Variants in SWAP70 observed in about 807,000 individuals in gnomAD.
SWAP70 encodes switching B cell complex subunit SWAP70, also known as switch-associated protein 70.
In SWAP70, 34 loss-of-function variants were observed where a neutral mutation model predicts 80.2. The ratio of observed to expected loss-of-function variants is 0.42; its 90% CI spans 0.32 to 0.56. The LOEUF (loss-of-function observed/expected upper bound fraction) is 0.56. Among genes scored for constraint, SWAP70 ranks in the 20% least tolerant of loss-of-function variants. The probability of loss-of-function intolerance (pLI) is 0.09; values close to 1 mark genes in which losing one functional copy is unlikely to be tolerated. For synonymous variants in SWAP70, 239 were observed against 238.5 expected (o/e 1.00, Z -0.02); for missense variants, 578 against 690.7 (o/e 0.84, Z 1.83).
At chr11:9,694,312 G>T (rs967035015) in intron 2 of SWAP70, 26 bp downstream of exon 2, 1 of 1,582,860 alleles carries the variant, frequency 6.3e-7, no homozygotes, top group African/African-American at 1.4e-5. Context: ...TTTTTTGGGT[G>T]TAGCATTGTT....
At chr11:9,709,334 G>A (rs1303938686) in intron 2 of SWAP70, among the ~76,000 whole-genome samples, 1 of 152,026 alleles carries the variant, frequency 6.6e-6, no homozygotes, top group African/African-American at 2.4e-5. Flanking sequence ...TCGCTATATT[G>A]CCTATATTGG....
intron 9 of SWAP70, among the ~76,000 whole-genome samples, chr11:9,742,353 T>C (rs1851451432): frequency 6.6e-6 from 1 of 152,104 alleles, no homozygotes; most frequent in Admixed American, 6.5e-5. Flanking sequence ...CCTTTTTTTT[T>C]CTGAGATGGA....
intron 1 of SWAP70, among the ~76,000 whole-genome samples, chr11:9,682,843 A>G (rs1037629110): frequency 6.6e-6 from 1 of 152,124 alleles, no homozygotes; most frequent in Non-Finnish European, 1.5e-5. Flanking sequence ...CGCCCAGCTA[A>G]TTTTTATGTT....
At chr11:9,690,925 G>A (rs1423024709) in intron 1 of SWAP70, among the ~76,000 whole-genome samples, 1 of 151,698 alleles carries the variant, frequency 6.6e-6, no homozygotes, top group Non-Finnish European at 1.5e-5. Context: ...TAATTTTTGA[G>A]ATGGGACCCC....
chr11:9,667,097 T>C (rs1040335857), intron 1 of SWAP70, among the ~76,000 whole-genome samples: 1 of 151,986 alleles, frequency 6.6e-6, no homozygotes, highest in Non-Finnish European at 1.5e-5. Context: ...ACTCCTGAGC[T>C]CAGGCAATTT....
At chr11:9,735,294 T>G (rs567992317) in intron 7 of SWAP70, among the ~76,000 whole-genome samples, 1 of 152,358 alleles carries the variant, frequency 6.6e-6, no homozygotes, top group African/African-American at 2.4e-5. Flanking sequence ...TTTATTTCAC[T>G]TAATATATTT....
chr11:9,675,999 TA>T (rs1229991711), intron 1 of SWAP70, among the ~76,000 whole-genome samples: 1 of 152,218 alleles, frequency 6.6e-6, no homozygotes, highest in Non-Finnish European at 1.5e-5. Context: ...CCAGGAACAC[TA>T]AGTGATTGTT....
intron 2 of SWAP70, among the ~76,000 whole-genome samples, chr11:9,709,205 G>A (rs1850962540): frequency 6.6e-6 from 1 of 151,922 alleles, no homozygotes; most frequent in South Asian, 2.1e-4. Context: ...CTTCATTGCA[G>A]CCTCCACCTC....
intron 1 of SWAP70, among the ~76,000 whole-genome samples, chr11:9,687,337 A>G (rs1850645163): frequency 6.6e-6 from 1 of 152,244 alleles, no homozygotes; most frequent in Non-Finnish European, 1.5e-5. Flanking sequence ...TTAGCCATAC[A>G]ATCCAAAAGT....
At chr11:9,711,851 G>A (rs1269164167) in intron 2 of SWAP70, among the ~76,000 whole-genome samples, 1 of 152,118 alleles carries the variant, frequency 6.6e-6, no homozygotes, top group Non-Finnish European at 1.5e-5. Context: ...AGGAACCCAA[G>A]GTGGTTCCTG....
chr11:9,675,132 T>A (rs907638103), intron 1 of SWAP70, among the ~76,000 whole-genome samples: 1 of 151,760 alleles, frequency 6.6e-6, no homozygotes, highest in African/African-American at 2.4e-5. Context: ...ACAAGAAATT[T>A]AAAAAGTTAG....
chr11:9,693,101 A>C (rs1281764596), intron 1 of SWAP70, among the ~76,000 whole-genome samples: 1 of 152,220 alleles, frequency 6.6e-6, no homozygotes, highest in South Asian at 2.1e-4. Context: ...ATGCAAATGA[A>C]AGTATTTATT....
At position 9,708,162 on chromosome 11, in the gene SWAP70, G is replaced by A. The variant is rs112424063; in HGVS notation, c.241-5304G>A. On this transcript the variant is annotated intron_variant, in intron 2 of 11. Coordinates refer to ENST00000318950, the MANE Select transcript of SWAP70 (RefSeq NM_015055.4). ...AGGTCTTTTGGATATATATCCAGAC[G>A]TGGGATTGCTAGATCATATGGTAGT... 3.8e-3 allele frequency among the ~76,000 whole-genome samples: 585 copies of A among 152,276 alleles called. 1 individual carries two copies. The highest frequency in any genetic ancestry group is 6.4e-3 in the Non-Finnish European group (435 of 68,024).
At chr11:9,710,814 G>T (rs1850987733) in intron 2 of SWAP70, among the ~76,000 whole-genome samples, 1 of 151,586 alleles carries the variant, frequency 6.6e-6, no homozygotes, top group South Asian at 2.1e-4. Context: ...TGAGTAGCTG[G>T]GACCACAGGC....
intron 9 of SWAP70, among the ~76,000 whole-genome samples, chr11:9,744,126 C>G (rs944556866): frequency 5.9e-5 from 9 of 152,082 alleles, no homozygotes; most frequent in Admixed American, 5.9e-4. Flanking sequence ...CCACGCCCAG[C>G]TAATTTTTTG....
intron 5 of SWAP70, 136 bp downstream of exon 5, chr11:9,728,335 A>G: frequency 9.9e-7 from 1 of 1,010,512 alleles, no homozygotes; most frequent in Non-Finnish European, 1.3e-6. Context: ...TAATATAGGC[A>G]TGCAGTTGCC....
intron 9 of SWAP70, among the ~76,000 whole-genome samples, chr11:9,747,350 A>G (rs150664220): frequency 1.1e-4 from 16 of 152,030 alleles, no homozygotes; most frequent in African/African-American, 3.9e-4. Context: ...GTCTGCGTTC[A>G]CTCCTTTCTT....
chr11:9,742,082 C>A (rs1449652323), intron 9 of SWAP70: 2 of 151,292 alleles, frequency 1.3e-5, no homozygotes, highest in Non-Finnish European at 2.9e-5. Context: ...TCAAAAAAAA[C>A]ACAAAACAAC....
chr11:9,718,959 G>C (rs540703216), intron 3 of SWAP70, among the ~76,000 whole-genome samples: 60 of 151,474 alleles, frequency 4.0e-4, no homozygotes, highest in African/African-American at 1.3e-3. Flanking sequence ...AATTAGCTGG[G>C]CACAGTGGCA....
Sources: gnomAD v4.1 joint callset for allele counts (sites outside exome capture counted in the v4.1 genomes callset) on GRCh38, gnomAD v4.1.1 for gene constraint, MANE v1.5 for transcripts, NCBI Gene and HGNC (gene_info 2026-07-23, HGNC 2026-07-21) for gene names.